The following AHI1 variants were observed in gnomAD, a reference collection of about 807,000 sequenced individuals.
AHI1 encodes jouberin.
In AHI1, 123 loss-of-function variants were observed where a neutral mutation model predicts 149.3. That is an observed-to-expected ratio of 0.82 (90% confidence interval 0.71 to 0.96). AHI1 has a LOEUF of 0.96. Among genes scored for constraint, AHI1 ranks in the 40% least tolerant of loss-of-function variants. The probability of loss-of-function intolerance (pLI) is 0.00; values close to 1 mark genes in which losing one functional copy is unlikely to be tolerated. For missense variants in AHI1, 1,439 were observed against 1,422.7 expected, an observed-to-expected ratio of 1.01 and a Z score of -0.18; for synonymous variants, 475 against 459.8, an observed-to-expected ratio of 1.03 and a Z score of -0.42.
chr6:135,338,741 A>G (rs951334608), intron 24 of AHI1, among the ~76,000 whole-genome samples: 8 of 152,156 alleles, frequency 5.3e-5, no homozygotes, highest in Non-Finnish European at 1.5e-5. Flanking sequence ...CCCCTTGCCA[A>G]CTCCGTGGTA....
chr6:135,311,434 G>A (rs1488044401), intron 26 of AHI1, among the ~76,000 whole-genome samples: 1 of 151,136 alleles, frequency 6.6e-6, no homozygotes, highest in African/African-American at 2.4e-5. Flanking sequence ...GAACATTTTT[G>A]TAAGCATATG....
At chr6:135,294,421 A>G (rs1225832956) in intron 27 of AHI1, among the ~76,000 whole-genome samples, 1 of 152,122 alleles carries the variant, frequency 6.6e-6, no homozygotes, top group Non-Finnish European at 1.5e-5. Flanking sequence ...AGGCAGGAGA[A>G]CTGCTTGAAC....
Position 135,376,881 on chromosome 6 carries a change from C to CAAAAAAAAAAAAAAAAA in AHI1, c.3109+17878_3109+17894dup, listed in dbSNP as rs1167083326. ...TCGGTGACAGAGCGAGACTCCATCT[C>CAAAAAAAAAAAAAAAAA]AAAAAAAAAAAAAAAAAAAAAAAAA... On this transcript the variant is annotated intron_variant, in intron 23 of 28. Transcript: ENST00000265602. Among the ~76,000 whole-genome samples, 4 of 29,440 alleles carry CAAAAAAAAAAAAAAAAA rather than the reference C, an allele frequency of 1.4e-4. 1 individual carries two copies. Among genetic ancestry groups the CAAAAAAAAAAAAAAAAA allele is most frequent in the African/African-American group, 3.2e-4 (2 of 6,242 alleles). The allele number at this position is 29,440 out of a possible 152,430, so 19.3% of individuals were successfully genotyped here. A position where few individuals can be genotyped will look rare whatever the true frequency, so the allele number is the denominator to read the frequency against.
chr6:135,363,017 TC>T (rs1179412972), intron 23 of AHI1, among the ~76,000 whole-genome samples: 1 of 150,662 alleles, frequency 6.6e-6, no homozygotes, highest in Non-Finnish European at 1.5e-5. Flanking sequence ...CTTTCATCCA[TC>T]TTTTTTTTAA....
chr6:135,401,472 G>C (rs1203098717), intron 22 of AHI1, among the ~76,000 whole-genome samples: 2 of 152,140 alleles, frequency 1.3e-5, no homozygotes, highest in Non-Finnish European at 2.9e-5. Context: ...AAAAACTTAT[G>C]TAACGGACAC....
intron 23 of AHI1, among the ~76,000 whole-genome samples, chr6:135,376,687 G>T (rs771258309): frequency 2.6e-5 from 4 of 151,652 alleles, no homozygotes; most frequent in Non-Finnish European, 4.4e-5. Context: ...TTCGAGACCA[G>T]CCTGACCAAC....
At chr6:135,376,804 C>T (rs1444126521) in intron 23 of AHI1, among the ~76,000 whole-genome samples, 1 of 144,518 alleles carries the variant, frequency 6.9e-6, no homozygotes, top group African/African-American at 2.6e-5. Context: ...ATCACCTGAA[C>T]CCGGGAGGCA....
chr6:135,455,614 A>C, intron 10 of AHI1, 120 bp downstream of exon 10: 1 of 710,342 alleles, frequency 1.4e-6, no homozygotes, highest in East Asian at 3.0e-5. Flanking sequence ...TAAATCCTAG[A>C]GATTAAATTC....
intron 20 of AHI1, among the ~76,000 whole-genome samples, chr6:135,413,453 CA>C (rs1326958809): frequency 6.7e-6 from 1 of 150,006 alleles, no homozygotes; most frequent in East Asian, 1.9e-4. Flanking sequence ...TTGAAACTAC[CA>C]AAAAATGGAC....
Position 135,318,548 on chromosome 6 carries a change from T to C in AHI1, c.3397A>G (p.Lys1133Glu), listed in dbSNP as rs756931330. 6.3e-7 allele frequency: 1 copy of C among 1,599,690 alleles called. No individual in the cohort carries two copies. Among genetic ancestry groups the C allele is most frequent in the South Asian group, 1.1e-5 (1 of 87,888 alleles). The change falls in exon 26 of 29, where the codon AAA (lysine) becomes GAA (glutamate). Residue 1133 changes from lysine (K) to glutamate (E), a missense_variant. Lys to Glu is a moderately conservative substitution (Grantham distance 56). Coordinates refer to ENST00000265602, the MANE Select transcript of AHI1 (RefSeq NM_001134831.2). The stretch of plus-strand genomic sequence containing the variant: ...TGAGGAGCTGGAGATTTTTCTATTT[T>C]AGTTTTTTCCTCAGGGCTTAAAGGA... The part of the protein sequence containing the change: ...SPPLSPEEKT[K>E]IEKSPAPQKQ...
Position 135,457,626 on chromosome 6 carries a change from T to C in AHI1, c.1019A>G (p.Asp340Gly). 1 of 1,613,980 alleles carries C rather than the reference T, an allele frequency of 6.2e-7. No individual in the cohort carries two copies. The highest frequency in any genetic ancestry group is 8.5e-7 in the Non-Finnish European group (1 of 1,179,874). The change falls in exon 9 of 29, where the codon GAT becomes GGT. Residue 340 changes from aspartate (D) to glycine (G), a missense_variant. Coordinates refer to ENST00000265602, the MANE Select transcript of AHI1 (RefSeq NM_001134831.2). Reference sequence around the variant, plus strand: ...GTAAACTCCCAAGACAAGGTCATCATCAAGCAAACATTTGGGATAAACCGG... The same window carrying C: ...GTAAACTCCCAAGACAAGGTCATCACCAAGCAAACATTTGGGATAAACCGG... ...DSPVYPKCLL[D>G]DDLVLGVYIH...
At chr6:135,309,729 G>A (rs1583629168) in intron 26 of AHI1, among the ~76,000 whole-genome samples, 1 of 152,238 alleles carries the variant, frequency 6.6e-6, no homozygotes, top group East Asian at 1.9e-4. Flanking sequence ...TGATCCACCT[G>A]CCTTGGCCTC....
chr6:135,380,732 C>CT (rs1554301774), intron 23 of AHI1, among the ~76,000 whole-genome samples: 1 of 36,646 alleles, frequency 2.7e-5, no homozygotes, highest in Non-Finnish European at 4.8e-5. Context: ...AGTAAAATAA[C>CT]CCCCCCCCCC....
At chr6:135,480,049 T>C (rs1793361359) in intron 5 of AHI1, among the ~76,000 whole-genome samples, 1 of 152,196 alleles carries the variant, frequency 6.6e-6, no homozygotes, top group Admixed American at 6.5e-5. Flanking sequence ...CGTGCTGAAC[T>C]GTGAGGTGAC....
intron 24 of AHI1, among the ~76,000 whole-genome samples, chr6:135,352,799 C>A (rs1792354235): frequency 1.6e-5 from 2 of 123,924 alleles, no homozygotes; most frequent in African/African-American, 3.0e-5. Flanking sequence ...CCTATAAAAC[C>A]ATGTTTTGTG....
chr6:135,335,446 TA>T (rs895237613), intron 24 of AHI1, among the ~76,000 whole-genome samples: 92 of 145,786 alleles, frequency 6.3e-4, no homozygotes, highest in Admixed American at 2.6e-3. Flanking sequence ...AAAAGAAATT[TA>T]AAAAAAAAAA....
At chr6:135,448,259 G>A (rs1787546198) in intron 12 of AHI1, 31 bp downstream of exon 12, 2 of 1,431,232 alleles carry the variant, frequency 1.4e-6, no homozygotes, top group Middle Eastern at 1.8e-4. Flanking sequence ...AACACTAGAT[G>A]ATATACACTT....
chr6:135,442,626 A>G lies in AHI1; in HGVS notation c.1868T>C (p.Ile623Thr), dbSNP rs1303133332. 2.5e-6 allele frequency: 4 copies of G among 1,609,732 alleles called. No individual in the cohort carries two copies. Among genetic ancestry groups the G allele is most frequent in the Non-Finnish European group, 3.4e-6 (4 of 1,177,816 alleles). ...CCGGCTGGCACAAGCTGCTGCTAAT[A>G]TTCTTCCATTGTGGGAGAAATCAAG... is the stretch of plus-strand genomic sequence containing the variant. Reference protein sequence around the residue: ...FCLDFSHNGRILAAACASRDG... With the variant: ...FCLDFSHNGRTLAAACASRDG... Residue 623 changes from isoleucine to threonine, a missense_variant, in exon 14 of 29, where the codon ATA (isoleucine) becomes ACA (threonine). Coordinates refer to ENST00000265602, the MANE Select transcript of AHI1 (RefSeq NM_001134831.2).
At chr6:135,478,819 A>G (rs1793137757) in intron 5 of AHI1, among the ~76,000 whole-genome samples, 1 of 152,226 alleles carries the variant, frequency 6.6e-6, no homozygotes, top group Admixed American at 6.5e-5. Context: ...CCTAGGAGGA[A>G]AAAATGGTTT....
Sources: allele counts gnomAD v4.1 joint callset (sites outside exome capture counted in the v4.1 genomes callset), GRCh38; gene constraint gnomAD v4.1.1; transcripts MANE v1.5; gene names NCBI Gene and HGNC (gene_info 2026-07-23, HGNC 2026-07-21).